RANBP2: variants seen among roughly 807,000 people sequenced by gnomAD.
RANBP2 encodes RAN binding protein 2, also known as E3 SUMO-protein ligase RanBP2.
In RANBP2, 57 loss-of-function variants were observed where a neutral mutation model predicts 303.6. That is an observed-to-expected ratio of 0.19 (90% CI 0.15 to 0.23). RANBP2 has a LOEUF of 0.23. Among genes scored for constraint, RANBP2 ranks in the 10% least tolerant of loss-of-function variants. The pLI is 1.00. For missense variants in RANBP2, 3,138 were observed against 3,780.8 expected (o/e 0.83, Z 4.46); for synonymous variants, 1,167 against 1,301.5 (o/e 0.90, Z 2.23).
At chr2:109,764,422 CT>C in the RANBP2 span, among the ~76,000 whole-genome samples, 1 of 148,008 alleles carries the variant, frequency 6.8e-6, no homozygotes, top group Non-Finnish European at 1.5e-5. Context: ...TTTTAACAGG[CT>C]AACTGTTGCT....
At chr2:109,676,804 T>C in the RANBP2 span, among the ~76,000 whole-genome samples, 37 of 152,216 alleles carry the variant, frequency 2.4e-4, no homozygotes, top group Non-Finnish European at 5.1e-4. Flanking sequence ...GCTCTGAGAA[T>C]ACGCTCTCAG....
chr2:109,614,542 T>C, the RANBP2 span: 8 of 1,312,878 alleles, frequency 6.1e-6, no homozygotes, highest in African/African-American at 3.1e-5. Context: ...CCCGAGGCGG[T>C]GCTGCGCTTC....
the RANBP2 span, among the ~76,000 whole-genome samples, chr2:109,558,008 G>A: frequency 3.9e-5 from 6 of 152,042 alleles, no homozygotes; most frequent in African/African-American, 1.4e-4. Context: ...ACCTAGGCTG[G>A]TCTCAAACTC....
the RANBP2 span, among the ~76,000 whole-genome samples, chr2:109,387,123 C>T: frequency 3.3e-5 from 5 of 152,252 alleles, no homozygotes; most frequent in African/African-American, 9.6e-5. Flanking sequence ...GCATATTGTT[C>T]TGTTTCTTTT....
the RANBP2 span, among the ~76,000 whole-genome samples, chr2:109,411,279 C>T: frequency 2.6e-5 from 4 of 152,224 alleles, no homozygotes; most frequent in African/African-American, 4.8e-5. Context: ...GAAGTCTGTG[C>T]CTTTACTCAG....
At chr2:108,812,640 G>A in the RANBP2 span, 1 of 1,611,680 alleles carries the variant, frequency 6.2e-7, no homozygotes, top group Non-Finnish European at 8.5e-7. Context: ...GTTAAATGAA[G>A]CAAGTGAAGA....
chr2:109,281,099 C>T, the RANBP2 span, among the ~76,000 whole-genome samples: 1 of 152,190 alleles, frequency 6.6e-6, no homozygotes, highest in African/African-American at 2.4e-5. Context: ...ACTTACTGCA[C>T]ACCCTGAGAG....
chr2:109,041,540 T>TG, the RANBP2 span, among the ~76,000 whole-genome samples: 1 of 151,392 alleles, frequency 6.6e-6, no homozygotes. Context: ...TTTTTTTTTT[T>TG]GAGACGGAGT....
the RANBP2 span, chr2:109,615,267 G>A: frequency 1.3e-6 from 2 of 1,573,252 alleles, no homozygotes; most frequent in African/African-American, 2.7e-5. Context: ...CAGCGGCGGA[G>A]GCTCCGTGAC....
At chr2:109,164,086 G>A in the RANBP2 span, among the ~76,000 whole-genome samples, 1 of 152,146 alleles carries the variant, frequency 6.6e-6, no homozygotes, top group South Asian at 2.1e-4. Context: ...GGCTGTGGGG[G>A]ATGGAGGAGG....
At chr2:109,173,350 G>A in the RANBP2 span, among the ~76,000 whole-genome samples, 4 of 152,096 alleles carry the variant, frequency 2.6e-5, no homozygotes, top group Non-Finnish European at 5.9e-5. Flanking sequence ...GTTATCAACC[G>A]AGCCGTCCCT....
the RANBP2 span, among the ~76,000 whole-genome samples, chr2:109,429,022 C>G: frequency 6.6e-6 from 1 of 152,216 alleles, no homozygotes. Flanking sequence ...CCTGACAGGA[C>G]TCAACTCACA....
rs1251031836 is a variant in RANBP2, at chr2:108,784,644, T to G, written c.*743T>G. The G allele has an allele frequency of 6.5e-6, 1 of 152,672 alleles. No homozygotes were observed. The highest frequency in any genetic ancestry group is 1.5e-5 in the Non-Finnish European group (1 of 68,046). 9.5% of individuals were successfully genotyped at this position (152,672 alleles called of 1,614,324 possible). A position where few individuals can be genotyped will look rare whatever the true frequency, so the allele number is the denominator to read the frequency against. ...CTTGGTTCTGATGATAGAAATTGAATTTTTCCTTGTAGTTATTGTGATAAA... is the reference window on the plus strand; with the variant it reads ...CTTGGTTCTGATGATAGAAATTGAAGTTTTCCTTGTAGTTATTGTGATAAA... On this transcript the variant is annotated 3_prime_UTR_variant, in exon 29 of 29. Transcript: ENST00000283195.
the RANBP2 span, among the ~76,000 whole-genome samples, chr2:108,944,941 GTCCCTGCTT>G: frequency 6.6e-6 from 1 of 152,190 alleles, no homozygotes; most frequent in African/African-American, 2.4e-5. Flanking sequence ...GGCCTAGGGT[GTCCCTGCTT>G]GGATGTTTCC....
chr2:109,008,684 C>T, the RANBP2 span, among the ~76,000 whole-genome samples: 2 of 151,372 alleles, frequency 1.3e-5, no homozygotes, highest in South Asian at 4.2e-4. Context: ...GGGCGGATCA[C>T]GAGGTCAGGA....
the RANBP2 span, among the ~76,000 whole-genome samples, chr2:109,606,519 T>C: frequency 6.6e-6 from 1 of 152,138 alleles, no homozygotes; most frequent in Non-Finnish European, 1.5e-5. Context: ...GTGGACATAG[T>C]TATAGCCATA....
the RANBP2 span, among the ~76,000 whole-genome samples, chr2:109,297,534 G>T: frequency 6.7e-6 from 1 of 150,192 alleles, no homozygotes; most frequent in Non-Finnish European, 1.5e-5. Flanking sequence ...TCCCACCCAG[G>T]CCAGTGCCCC....
the RANBP2 span, among the ~76,000 whole-genome samples, chr2:109,575,873 TA>T: frequency 6.6e-6 from 1 of 152,204 alleles, no homozygotes; most frequent in African/African-American, 2.4e-5. Context: ...TCACCTCTTT[TA>T]AAATTATAGA....
the RANBP2 span, among the ~76,000 whole-genome samples, chr2:109,462,965 G>A: frequency 0.018 from 2,665 of 152,264 alleles, 75 homozygotes; most frequent in African/African-American, 0.059. Context: ...CCCCTAATGC[G>A]CAGTCACCCT....
Sources: gnomAD v4.1 joint callset for allele counts (sites outside exome capture counted in the v4.1 genomes callset) on GRCh38, gnomAD v4.1.1 for gene constraint, MANE v1.5 for transcripts, NCBI Gene and HGNC (gene_info 2026-07-23, HGNC 2026-07-21) for gene names.